Variants in AKAP9 observed in about 807,000 individuals in gnomAD.
The protein encoded by AKAP9 is A-kinase anchor protein 9.
A neutral mutation model predicts 488.5 loss-of-function variants in AKAP9; 311 were observed. That is an observed-to-expected ratio of 0.64 (90% confidence interval 0.58 to 0.70). The LOEUF (loss-of-function observed/expected upper bound fraction) is 0.70. Ranked by LOEUF, AKAP9 falls within the 30% of genes least tolerant of loss-of-function variation. AKAP9 has a pLI of 0.00. For synonymous variants in AKAP9, 1,462 were observed against 1,483.5 expected (o/e 0.99, Z 0.33); for missense variants, 4,215 against 4,374.5 (o/e 0.96, Z 1.03).
At chr7:92,088,305 A>C (rs1814954924) in intron 37 of AKAP9, among the ~76,000 whole-genome samples, 1 of 152,176 alleles carries the variant, frequency 6.6e-6, no homozygotes, top group Non-Finnish European at 1.5e-5. Context: ...GGGAAATATC[A>C]GACCAAAACA....
intron 1 of AKAP9, among the ~76,000 whole-genome samples, chr7:91,948,508 TA>T (rs1791758721): frequency 6.6e-6 from 1 of 152,120 alleles, no homozygotes; most frequent in African/African-American, 2.4e-5. Flanking sequence ...TTGTGGGTAT[TA>T]AGTGGTTTCT....
At chr7:92,043,015 A>G in intron 20 of AKAP9, 1 of 318,118 alleles carries the variant, frequency 3.1e-6, no homozygotes, top group Non-Finnish European at 6.0e-6. Flanking sequence ...TTAATCACAT[A>G]CTTAACTGTT....
chr7:91,981,727 G>C (rs375389199), intron 3 of AKAP9, among the ~76,000 whole-genome samples: 66 of 150,598 alleles, frequency 4.4e-4, no homozygotes, highest in Middle Eastern at 3.4e-3. Flanking sequence ...CTCTGCCTCA[G>C]CTTCCCAAGC....
At chr7:92,108,806 TTAAA>T (rs1351095659) in intron 49 of AKAP9, 173 bp downstream of exon 49, 1 of 782,272 alleles carries the variant, frequency 1.3e-6, no homozygotes, top group Non-Finnish European at 2.2e-6. Flanking sequence ...GAAACTGACT[TTAAA>T]TAATTTAAGT....
intron 18 of AKAP9, chr7:92,041,561 C>G (rs1806114177): frequency 1.3e-5 from 2 of 158,454 alleles, no homozygotes; most frequent in Non-Finnish European, 2.8e-5. Flanking sequence ...AATATACTCA[C>G]AAAACCATTG....
chr7:91,999,370 C>T (rs757865578), intron 7 of AKAP9, among the ~76,000 whole-genome samples: 4 of 152,122 alleles, frequency 2.6e-5, no homozygotes, highest in Admixed American at 1.3e-4. Flanking sequence ...GGATCACGGG[C>T]GCCCAGCCCC....
intron 2 of AKAP9, 136 bp downstream of exon 2, chr7:91,974,104 C>A: frequency 9.9e-7 from 1 of 1,012,274 alleles, no homozygotes; most frequent in Non-Finnish European, 1.5e-6. Flanking sequence ...GGTAACTAAA[C>A]AGTCATAACT....
chr7:92,104,013 A>C (rs1261123712), intron 46 of AKAP9, among the ~76,000 whole-genome samples: 7 of 152,102 alleles, frequency 4.6e-5, no homozygotes, highest in African/African-American at 1.7e-4. Flanking sequence ...CCAAGACTCA[A>C]ACTACTTTGA....
intron 21 of AKAP9, among the ~76,000 whole-genome samples, chr7:92,051,231 C>T (rs1807927852): frequency 1.3e-5 from 2 of 152,160 alleles, no homozygotes; most frequent in Non-Finnish European, 2.9e-5. Context: ...GCCTAGAGTT[C>T]CCATCGTATC....
chr7:92,016,210 G>T lies in AKAP9; in HGVS notation c.3694G>T (p.Asp1232Tyr). 1 of 1,582,112 alleles carries T rather than the reference G, an allele frequency of 6.3e-7. No homozygotes were observed. Among genetic ancestry groups the T allele is most frequent in the South Asian group, 1.1e-5 (1 of 90,064 alleles). The change falls in exon 11 of 50, where the codon GAT (aspartate) becomes TAT (tyrosine). Residue 1232 changes from aspartate to tyrosine, a missense_variant. By Grantham distance (160) the Asp-to-Tyr change is radical (BLOSUM62 -3). Coordinates refer to ENST00000356239, the MANE Select transcript of AKAP9 (RefSeq NM_005751.5). ...TGCAGAAGACAAAGAGAATTCTGGT[G>T]ATTACATTTCTGAAAATGAAGATCC... The part of the protein sequence containing the change: ...VNAEDKENSG[D>Y]YISENEDPEL...
Position 92,070,887 on chromosome 7 carries a change from A to AT in AKAP9, c.6508-13dup, listed in dbSNP as rs1197436504. On this transcript the variant is annotated splice_polypyrimidine_tract_variant and intron_variant, in intron 27 of 49. Coordinates refer to ENST00000356239, the MANE Select transcript of AKAP9 (RefSeq NM_005751.5). ...ATTTAATTTATCAAATTTTGAGAAA[A>AT]TTTTTATATATTTAAAGGTAGAGGA... The AT allele has an allele frequency of 6.4e-7, 1 of 1,562,126 alleles. No homozygotes were observed. Among genetic ancestry groups the AT allele is most frequent in the Non-Finnish European group, 8.7e-7 (1 of 1,148,166 alleles).
At chr7:92,027,137 C>CAT (rs1803348299) in intron 14 of AKAP9, among the ~76,000 whole-genome samples, 3 of 138,466 alleles carry the variant, frequency 2.2e-5, no homozygotes, top group African/African-American at 8.2e-5. Context: ...CCTGGCCGCC[C>CAT]CATCTAGGAA....
chr7:92,028,533 A>T (rs1803701138), intron 14 of AKAP9, among the ~76,000 whole-genome samples: 1 of 152,150 alleles, frequency 6.6e-6, no homozygotes, highest in African/African-American at 2.4e-5. Context: ...AAGACAAGGG[A>T]ATGAGTTTTT....
intron 14 of AKAP9, among the ~76,000 whole-genome samples, chr7:92,026,948 T>TC (rs1803280779): frequency 1.1e-5 from 1 of 92,400 alleles, no homozygotes; most frequent in African/African-American, 4.2e-5. Flanking sequence ...CCGGCCGCCC[T>TC]GTCTGGGATG....
intron 6 of AKAP9, 56 bp from the exon 7 acceptor site, chr7:91,995,547 T>C: frequency 6.5e-7 from 1 of 1,530,882 alleles, no homozygotes; most frequent in Non-Finnish European, 9.0e-7. Flanking sequence ...AAGGTGTCTG[T>C]TCCCTAATAC....
At chr7:92,006,437 C>G (rs1391337448) in intron 8 of AKAP9, among the ~76,000 whole-genome samples, 1 of 152,122 alleles carries the variant, frequency 6.6e-6, no homozygotes, top group African/African-American at 2.4e-5. Context: ...AGGCATGAGT[C>G]TTTGTCACCA....
intron 1 of AKAP9, among the ~76,000 whole-genome samples, chr7:91,956,979 T>C (rs1156510783): frequency 5.9e-5 from 9 of 152,216 alleles, no homozygotes; most frequent in Non-Finnish European, 1.0e-4. Flanking sequence ...TTGTTAAACT[T>C]ATTTTAAATG....
rs536883451 is a variant in AKAP9 at position 92,091,456 on chromosome 7, G to A, written c.9359-1641G>A. Among the ~76,000 whole-genome samples, 16 of 151,650 alleles carry A rather than the reference G, an allele frequency of 1.1e-4. No homozygotes were observed. In the South Asian group the frequency reaches 3.1e-3, roughly 30 times the overall value. ...CAAAAATTAGCTTGGCGTGATGCTC[G>A]GTGCCTGTAATCCCAGCTACTCGGG... is the stretch of plus-strand genomic sequence containing the variant. On this transcript the variant is annotated intron_variant, in intron 38 of 49. Coordinates refer to ENST00000356239, the MANE Select transcript of AKAP9 (RefSeq NM_005751.5).
At chr7:92,020,494 C>G (rs973752249) in intron 12 of AKAP9, among the ~76,000 whole-genome samples, 2 of 152,210 alleles carry the variant, frequency 1.3e-5, no homozygotes, top group Non-Finnish European at 2.9e-5. Context: ...TATCGCGTTT[C>G]TCTTTTTTCG....
Sources: allele counts gnomAD v4.1 joint callset (sites outside exome capture counted in the v4.1 genomes callset), GRCh38; gene constraint gnomAD v4.1.1; transcripts MANE v1.5; gene names NCBI Gene and HGNC (gene_info 2026-07-23, HGNC 2026-07-21).